SYNE1: variants seen among roughly 807,000 people sequenced by gnomAD.
SYNE1 encodes spectrin repeat containing nuclear envelope protein 1, also known as nesprin-1.
In SYNE1, 616 loss-of-function variants were observed where a neutral mutation model predicts 1,111.0. That is an observed-to-expected ratio of 0.55 (90% CI 0.52 to 0.59). The LOEUF is 0.59. Ranked by LOEUF, SYNE1 falls within the 20% of genes least tolerant of loss-of-function variation. The pLI, the probability that SYNE1 is intolerant of heterozygous loss-of-function variation, is 0.00. For synonymous variants in SYNE1, 3,855 were observed against 3,825.8 expected, an observed-to-expected ratio of 1.01 and a Z score of -0.28; for missense variants, 10,006 against 10,417.0, an observed-to-expected ratio of 0.96 and a Z score of 1.72.
At chr6:152,300,868 T>G in intron 92 of SYNE1, 87 bp from the exon 93 acceptor site, 1 of 1,593,760 alleles carries the variant, frequency 6.3e-7, no homozygotes, top group Non-Finnish European at 8.6e-7. Context: ...CAAAACAGAG[T>G]TAATTATAAA....
intron 76 of SYNE1, 33 bp downstream of exon 76, chr6:152,336,808 T>G (rs1563168324): frequency 1.2e-6 from 2 of 1,608,864 alleles, no homozygotes; most frequent in African/African-American, 2.7e-5. Context: ...TGTTGGCCTC[T>G]TTTATCTCCC....
At chr6:152,255,898 G>T in intron 102 of SYNE1, 152 bp from the exon 103 acceptor site, 1 of 937,488 alleles carries the variant, frequency 1.1e-6, no homozygotes, top group Non-Finnish European at 1.7e-6. Context: ...AGGAGTTCAA[G>T]ACTGGCCTGG....
chr6:152,358,139 C>T (rs1041719099), intron 66 of SYNE1, among the ~76,000 whole-genome samples: 1 of 152,190 alleles, frequency 6.6e-6, no homozygotes, highest in African/African-American at 2.4e-5. Context: ...CCTAGCAGCT[C>T]CATGAATCCC....
chr6:152,348,901 T>C (rs3860811), intron 72 of SYNE1, among the ~76,000 whole-genome samples: 89,324 of 151,844 alleles, frequency 0.59, 26,381 homozygotes, highest in East Asian at 0.65. Context: ...TTATCATATA[T>C]GCTCAGTTGA....
chr6:152,146,982 G>C (rs2059618136), intron 137 of SYNE1: 1 of 152,310 alleles, frequency 6.6e-6, no homozygotes, highest in South Asian at 2.1e-4. Context: ...ATATTCTGCA[G>C]GTATCTCAAG....
chr6:152,534,050 T>C (rs934628135), intron 4 of SYNE1, among the ~76,000 whole-genome samples: 2 of 151,818 alleles, frequency 1.3e-5, no homozygotes, highest in African/African-American at 4.8e-5. Flanking sequence ...TCCCAGCTAC[T>C]CAGGAGGCTA....
chr6:152,305,414 C>T (rs965126012), intron 91 of SYNE1, among the ~76,000 whole-genome samples: 1 of 152,048 alleles, frequency 6.6e-6, no homozygotes, highest in Non-Finnish European at 1.5e-5. Flanking sequence ...TACAGACACC[C>T]GTCACCACCC....
At chr6:152,522,362 T>A (rs900004326) in intron 5 of SYNE1, among the ~76,000 whole-genome samples, 3 of 152,162 alleles carry the variant, frequency 2.0e-5, no homozygotes, top group Non-Finnish European at 4.4e-5. Context: ...TCCAGCTCCA[T>A]CCAAATTGCT....
rs376033376 is a variant in SYNE1 at position 152,456,052 on chromosome 6, G to A, written c.2569-8C>T. 431 of 1,611,248 alleles carry A rather than the reference G, an allele frequency of 2.7e-4. No homozygotes were observed. The highest frequency in any genetic ancestry group is 3.4e-4 in the Non-Finnish European group (397 of 1,179,674). On this transcript the variant is annotated splice_polypyrimidine_tract_variant and splice_region_variant and intron_variant, in intron 22 of 145. Coordinates refer to ENST00000367255, the MANE Select transcript of SYNE1 (RefSeq NM_182961.4). ...TTGACAAGCTAACAGTTCCTATAAC[G>A]AAATGAAACCCCACAACAATGTTAT...
chr6:152,555,562 G>A (rs561864721), intron 3 of SYNE1, among the ~76,000 whole-genome samples: 1 of 152,194 alleles, frequency 6.6e-6, no homozygotes, highest in South Asian at 2.1e-4. Context: ...ACATTTCTCA[G>A]AATGTATCTT....
intron 108 of SYNE1, among the ~76,000 whole-genome samples, chr6:152,237,771 A>G (rs535628403): frequency 6.6e-6 from 1 of 152,342 alleles, no homozygotes; most frequent in Admixed American, 6.5e-5. Context: ...TGTTAAAGAA[A>G]AATACCACAT....
At chr6:152,634,008 AAC>A (rs967832238) in intron 2 of SYNE1, among the ~76,000 whole-genome samples, 4 of 152,270 alleles carry the variant, frequency 2.6e-5, no homozygotes, top group Admixed American at 6.5e-5. Flanking sequence ...CCTGTGAAAA[AAC>A]ACAGTTGTGA....
At chr6:152,189,136 T>C in intron 128 of SYNE1, 116 bp downstream of exon 128, 2 of 1,059,728 alleles carry the variant, frequency 1.9e-6, no homozygotes, top group Non-Finnish European at 2.9e-6. Context: ...TGTTCTTCCT[T>C]TGTCCGTACT....
rs1361500168 is a variant in SYNE1 at position 152,309,888 on chromosome 6, C to T, written c.17149G>A (p.Glu5717Lys). ...GTGTGCTGCAGCCGGCTGGCCTCTT[C>T]CTGCAGCCGCAGAGCAGCATGACAG... ...PLCHAALRLQEEASRLQHTAI... is the reference protein window; with the variant it reads ...PLCHAALRLQKEASRLQHTAI... Residue 5717 changes from glutamate to lysine, a missense_variant, in exon 90 of 146, where the codon GAA becomes AAA. Glu to Lys is a moderately conservative substitution (Grantham distance 56). This residue lies in a region of SYNE1 where 4,955 missense variants were observed against 5,017.2 expected (regional missense o/e 0.99). Transcript: ENST00000367255. 6.2e-7 allele frequency: 1 copy of T among 1,614,144 alleles called. No homozygotes were observed. The highest frequency in any genetic ancestry group is 1.7e-5 in the Admixed American group (1 of 60,024).
At chr6:152,154,164 A>G (rs549378653) in intron 133 of SYNE1, among the ~76,000 whole-genome samples, 11 of 152,300 alleles carry the variant, frequency 7.2e-5, no homozygotes, top group Middle Eastern at 3.4e-3. Context: ...ATTTTGGGCT[A>G]GGTCAGGTCT....
intron 8 of SYNE1, among the ~76,000 whole-genome samples, chr6:152,505,849 C>T (rs752123640): frequency 2.0e-5 from 3 of 152,096 alleles, no homozygotes. Flanking sequence ...AGAGCTAACA[C>T]GTTTCTAATG....
chr6:152,439,267 T>C (rs2098505065), intron 32 of SYNE1, among the ~76,000 whole-genome samples: 1 of 152,318 alleles, frequency 6.6e-6, no homozygotes, highest in Admixed American at 6.5e-5. Flanking sequence ...AAGGAATTAG[T>C]GCAAATGGAA....
chr6:152,256,846 A>G (rs2090971561), intron 101 of SYNE1, 81 bp from the exon 102 acceptor site: 2 of 1,581,338 alleles, frequency 1.3e-6, no homozygotes, highest in South Asian at 1.1e-5. Flanking sequence ...ATACTGAAAT[A>G]GATGCTGAAA....
chr6:152,139,253 A>AT (rs2057830034), intron 140 of SYNE1, among the ~76,000 whole-genome samples: 1 of 152,094 alleles, frequency 6.6e-6, no homozygotes, highest in South Asian at 2.1e-4. Flanking sequence ...GTTCTACAAT[A>AT]TGGTCCCCTT....
Sources: allele counts gnomAD v4.1 joint callset (sites outside exome capture counted in the v4.1 genomes callset), GRCh38; gene constraint gnomAD v4.1.1; regional missense constraint gnomAD v4.1.1; transcripts MANE v1.5; gene names NCBI Gene and HGNC (gene_info 2026-07-23, HGNC 2026-07-21).